The following SLC52A3 variants were observed in gnomAD, a reference collection of about 807,000 sequenced individuals.
SLC52A3 encodes solute carrier family 52, riboflavin transporter, member 3.
In SLC52A3, 20 loss-of-function variants were observed where a neutral mutation model predicts 29.5. That is an observed-to-expected ratio of 0.68 (90% CI 0.48 to 0.99). The LOEUF (loss-of-function observed/expected upper bound fraction) is 0.99. Ranked by LOEUF, SLC52A3 falls within the 50% of genes least tolerant of loss-of-function variation. The pLI, the probability that SLC52A3 is intolerant of heterozygous loss-of-function variation, is 0.00. For synonymous variants in SLC52A3, 301 were observed against 271.0 expected (o/e 1.11, Z -1.09); for missense variants, 548 against 612.9 (o/e 0.89, Z 1.12).
chr20:778,610 C>T (rs964150119), upstream of SLC52A3, among the ~76,000 whole-genome samples: 2 of 152,008 alleles, frequency 1.3e-5, no homozygotes, highest in Non-Finnish European at 1.5e-5. Flanking sequence ...CTCTATAGTA[C>T]CAAATACTTT....
At chr20:769,660 G>A (rs377147555), upstream of SLC52A3, among the ~76,000 whole-genome samples, 50 of 152,306 alleles carry the variant, frequency 3.3e-4, no homozygotes, top group African/African-American at 1.1e-3. Context: ...ACTTTGGGAG[G>A]ATGAGGCGGG....
chr20:777,803 T>C (rs1370093054), upstream of SLC52A3, among the ~76,000 whole-genome samples: 2 of 152,072 alleles, frequency 1.3e-5, no homozygotes, highest in Non-Finnish European at 2.9e-5. Context: ...ACCCCCAAAA[T>C]ATGACTCTGG....
Position 760,934 on chromosome 20 carries a change from C to T in SLC52A3, c.*92G>A. On this transcript the variant is annotated 3_prime_UTR_variant, in exon 5 of 5. Coordinates refer to ENST00000645534, the MANE Select transcript of SLC52A3 (RefSeq NM_033409.4). This position sits in a 1 kb window ranked among gnomAD's most constrained non-coding sequence, Gnocchi z 4.9. The stretch of plus-strand genomic sequence containing the variant: ...CGTTCATGATTCAATTACTCAGGCT[C>T]TGTCTCTCTGTTCCTGCCCCTTGCT... 1 of 1,290,236 alleles carries T rather than the reference C, an allele frequency of 7.8e-7. No individual in the cohort carries two copies. Among genetic ancestry groups the T allele is most frequent in the Non-Finnish European group, 1.1e-6 (1 of 919,560 alleles). 79.9% of individuals were successfully genotyped at this position (1,290,236 alleles called of 1,614,324 possible).
upstream of SLC52A3, among the ~76,000 whole-genome samples, chr20:777,268 A>AC (rs1236062875): frequency 4.3e-5 from 1 of 23,338 alleles, no homozygotes; most frequent in Non-Finnish European, 3.7e-4. Flanking sequence ...AAACAAACAA[A>AC]AAACAAAAAA....
In SLC52A3 at chr20:765,916, C is replaced by T. The variant is rs1986671712; in HGVS notation, c.-51-91G>A. 2.6e-6 allele frequency: 2 copies of T among 758,538 alleles called. No individual in the cohort carries two copies. The highest frequency in any genetic ancestry group is 5.4e-5 in the East Asian group (2 of 37,242). 47.0% of individuals were successfully genotyped at this position (758,538 alleles called of 1,614,324 possible). ...GGCCCAGAGTTTTCTCTTATTACTC[C>T]CCTTCCTGTGAACAAGCTGGCTTTT... On this transcript the variant is annotated intron_variant, in intron 1 of 4. Coordinates refer to ENST00000645534, the MANE Select transcript of SLC52A3 (RefSeq NM_033409.4). The surrounding 1 kb of genome is among the most constrained non-coding windows in gnomAD (Gnocchi z 6.6).
At position 760,930 on chromosome 20, in the gene SLC52A3, G is replaced by A. The variant is rs779588144; in HGVS notation, c.*96C>T. ...CTTGCGTTCATGATTCAATTACTCAGGCTCTGTCTCTCTGTTCCTGCCCCT... is the reference window on the plus strand; with the variant it reads ...CTTGCGTTCATGATTCAATTACTCAAGCTCTGTCTCTCTGTTCCTGCCCCT... On this transcript the variant is annotated 3_prime_UTR_variant, in exon 5 of 5. Transcript: ENST00000645534. The surrounding 1 kb of genome is among the most constrained non-coding windows in gnomAD (Gnocchi z 4.9). The A allele has an allele frequency of 1.6e-6, 2 of 1,259,424 alleles. No individual in the cohort carries two copies. Among genetic ancestry groups the A allele is most frequent in the Non-Finnish European group, 2.2e-6 (2 of 893,874 alleles). The allele number at this position is 1,259,424 out of a possible 1,614,324, so 78.0% of individuals were successfully genotyped here. A position where few individuals can be genotyped will look rare whatever the true frequency, so the allele number is the denominator to read the frequency against.
chr20:762,317 C>T (rs1986518476), intron 3 of SLC52A3, among the ~76,000 whole-genome samples: 2 of 152,182 alleles, frequency 1.3e-5, no homozygotes, highest in Non-Finnish European at 1.5e-5. Context: ...TTTGCTGTGC[C>T]TCCTCAGGAG....
At position 760,116 on chromosome 20, in the gene SLC52A3, A is replaced by G. The variant is rs1316395095; in HGVS notation, c.*910T>C. 1.3e-5 allele frequency: 2 copies of G among 152,130 alleles called. No individual in the cohort carries two copies. The highest frequency in any genetic ancestry group is 2.9e-5 in the Non-Finnish European group (2 of 68,038). 9.4% of individuals were successfully genotyped at this position (152,130 alleles called of 1,614,324 possible). On this transcript the variant is annotated 3_prime_UTR_variant, in exon 5 of 5. Coordinates refer to ENST00000645534, the MANE Select transcript of SLC52A3 (RefSeq NM_033409.4). The surrounding 1 kb of genome is among the most constrained non-coding windows in gnomAD (Gnocchi z 4.9). ...AATGCCTTTATTTAAAAAAATGAAA[A>G]ACAGAAACTAAAACAAAATAACAAT...
Position 765,984 on chromosome 20 carries a change from C to G in SLC52A3, c.-51-159G>C. 1 of 591,334 alleles carries G rather than the reference C, an allele frequency of 1.7e-6. No individual in the cohort carries two copies. Among genetic ancestry groups the G allele is most frequent in the Non-Finnish European group, 3.0e-6 (1 of 333,986 alleles). The allele number at this position is 591,334 out of a possible 1,614,324, so 36.6% of individuals were successfully genotyped here. A position where few individuals can be genotyped will look rare whatever the true frequency, so the allele number is the denominator to read the frequency against. ...CATAGTTTCACTCTTTTAGTCCAGG[C>G]TGGAGTGCAATGGGATGATCTCGGC... is the stretch of plus-strand genomic sequence containing the variant. On this transcript the variant is annotated intron_variant, in intron 1 of 4. Transcript: ENST00000645534. The surrounding 1 kb of genome is among the most constrained non-coding windows in gnomAD (Gnocchi z 6.6).
Position 760,964 on chromosome 20 carries a change from G to T in SLC52A3, c.*62C>A. The T allele has an allele frequency of 6.7e-7, 1 of 1,490,948 alleles. No homozygotes were observed. Among genetic ancestry groups the T allele is most frequent in the East Asian group, 2.5e-5 (1 of 40,536 alleles). The allele number at this position is 1,490,948 out of a possible 1,614,324, so 92.4% of individuals were successfully genotyped here. A position where few individuals can be genotyped will look rare whatever the true frequency, so the allele number is the denominator to read the frequency against. On this transcript the variant is annotated 3_prime_UTR_variant, in exon 5 of 5. Coordinates refer to ENST00000645534, the MANE Select transcript of SLC52A3 (RefSeq NM_033409.4). The surrounding 1 kb of genome is among the most constrained non-coding windows in gnomAD (Gnocchi z 4.9). ...TCTCTGTTCCTGCCCCTTGCTCTGT[G>T]ACCTGGCCTCTCTGGACCCCAGTTC...
At chr20:766,046 C>T in intron 1 of SLC52A3, 1 of 482,734 alleles carries the variant, frequency 2.1e-6, no homozygotes, top group Non-Finnish European at 3.8e-6. Flanking sequence ...AAGTGATTCT[C>T]CTGCCTCAGT....
At chr20:768,522 C>T (rs905540306), upstream of SLC52A3, 6 of 152,300 alleles carry the variant, frequency 3.9e-5, no homozygotes, top group African/African-American at 1.4e-4. Flanking sequence ...CCACGCCTCA[C>T]CCAGGAAACT....
chr20:779,886 C>T (rs1009097108), upstream of SLC52A3, among the ~76,000 whole-genome samples: 1 of 152,182 alleles, frequency 6.6e-6, no homozygotes, highest in Admixed American at 6.5e-5. Context: ...TAGAAAGAAT[C>T]TAAGATAAGA....
chr20:771,473 T>A (rs1326673601), upstream of SLC52A3, among the ~76,000 whole-genome samples: 5 of 152,064 alleles, frequency 3.3e-5, no homozygotes, highest in Non-Finnish European at 7.4e-5. Flanking sequence ...CCATACTAAG[T>A]GCACAGAGAT....
rs751747223 is a variant in SLC52A3, at chr20:761,230, C to G, written c.1206G>C (p.Ser402=). The change falls in exon 5 of 5, where the codon TCG becomes TCC. Residue 402 remains serine (S), a synonymous_variant. Transcript: ENST00000645534. ...HWGGEVLIVA[S]WVLFSGCLSY... is the part of the protein sequence containing the mutation. ...TGAGGCAGCCGCTGAAAAGCACCCACGAGGCCACCTGCGGGGCCGGGAGGG... is the reference window on the plus strand; with the variant it reads ...TGAGGCAGCCGCTGAAAAGCACCCAGGAGGCCACCTGCGGGGCCGGGAGGG... 81 of 1,550,382 alleles carry G rather than the reference C, an allele frequency of 5.2e-5. No homozygotes were observed. The South Asian group carries it at 9.1e-4, about 17-fold the overall frequency.
At chr20:777,275 A>AAC (rs1555785014), upstream of SLC52A3, among the ~76,000 whole-genome samples, 4 of 149,070 alleles carry the variant, frequency 2.7e-5, no homozygotes, top group African/African-American at 9.8e-5. Flanking sequence ...CAAAAAACAA[A>AAC]AAAAAAACAC....
rs1431398048 is a variant in SLC52A3 at position 761,736 on chromosome 20, G to T, written c.1162C>A (p.Leu388Ile). The change falls in exon 4 of 5, where the codon CTC becomes ATC. Residue 388 changes from leucine (L) to isoleucine (I), a missense_variant. Leu to Ile is a conservative substitution (Grantham distance 5). Transcript: ENST00000645534. ...MAMAVMSPCP[L>I]LQGHWGGEVL... ...TCCCCACCCCAGTGGCCCTGCAAGAGGGGGCAGGGGCTCATCACCGCCATG... is the reference window on the plus strand; with the variant it reads ...TCCCCACCCCAGTGGCCCTGCAAGATGGGGCAGGGGCTCATCACCGCCATG... The T allele has an allele frequency of 6.2e-7, 1 of 1,613,992 alleles. No homozygotes were observed. Among genetic ancestry groups the T allele is most frequent in the Non-Finnish European group, 8.5e-7 (1 of 1,180,012 alleles).
At chr20:761,970 C>T in intron 3 of SLC52A3, 146 bp from the exon 4 acceptor site, 1 of 1,235,078 alleles carries the variant, frequency 8.1e-7, no homozygotes, top group African/African-American at 1.5e-5. Context: ...TCAAGTGGGT[C>T]AGGGAGGCTC....
intron 2 of SLC52A3, among the ~76,000 whole-genome samples, chr20:764,414 G>C (rs1486690797): frequency 8.7e-5 from 9 of 103,344 alleles, no homozygotes; most frequent in Non-Finnish European, 1.0e-4. Context: ...GCTAGCTGGA[G>C]ACTGAGCAGT....
Sources: gnomAD v4.1 joint callset for allele counts (sites outside exome capture counted in the v4.1 genomes callset) on GRCh38, gnomAD v4.1.1 for gene constraint, Gnocchi (gnomAD v3.1) non-coding constraint, MANE v1.5 for transcripts, NCBI Gene and HGNC (gene_info 2026-07-23, HGNC 2026-07-21) for gene names.